Variants in ARK2C observed in about 807,000 individuals in gnomAD.
ARK2C encodes the protein E3 ubiquitin-protein ligase ARK2C.
chr18:46,385,277 G>C, the ARK2C span, among the ~76,000 whole-genome samples: 2 of 152,216 alleles, frequency 1.3e-5, no homozygotes, highest in Non-Finnish European at 2.9e-5. Flanking sequence ...ACAGAGATGA[G>C]AGCTCTCCTG....
At chr18:46,361,268 T>C in the ARK2C span, among the ~76,000 whole-genome samples, 5 of 152,212 alleles carry the variant, frequency 3.3e-5, no homozygotes, top group Non-Finnish European at 1.5e-5. Context: ...CTCTCAACCT[T>C]GCTCTCCAAA....
the ARK2C span, among the ~76,000 whole-genome samples, chr18:46,439,038 T>C: frequency 1.3e-5 from 2 of 152,202 alleles, no homozygotes; most frequent in African/African-American, 4.8e-5. Flanking sequence ...GTGGTGTGCA[T>C]GGAGTCTGTG....
the ARK2C span, among the ~76,000 whole-genome samples, chr18:46,440,169 G>C: frequency 1.3e-5 from 2 of 152,000 alleles, no homozygotes; most frequent in African/African-American, 4.8e-5. Context: ...TCGCTTCCCC[G>C]GTCCTGATAT....
the ARK2C span, among the ~76,000 whole-genome samples, chr18:46,338,384 A>G: frequency 6.6e-6 from 1 of 152,236 alleles, no homozygotes; most frequent in Non-Finnish European, 1.5e-5. Flanking sequence ...TACTGTAGGA[A>G]TAAGAGGGTC....
chr18:46,379,635 C>A, the ARK2C span, among the ~76,000 whole-genome samples: 4 of 152,234 alleles, frequency 2.6e-5, no homozygotes, highest in African/African-American at 4.8e-5. Flanking sequence ...ATTCTTCTCC[C>A]CACTCCCTGA....
chr18:46,391,730 C>A, the ARK2C span, among the ~76,000 whole-genome samples: 2 of 151,940 alleles, frequency 1.3e-5, no homozygotes, highest in South Asian at 2.1e-4. Context: ...TGTTCACTCA[C>A]CCTTCCCAAG....
chr18:46,412,782 C>T, the ARK2C span, among the ~76,000 whole-genome samples: 19 of 152,100 alleles, frequency 1.2e-4, no homozygotes, highest in Non-Finnish European at 1.8e-4. Flanking sequence ...TAACAGCCAA[C>T]GCGGAGTGAC....
At chr18:46,446,712 A>AG in the ARK2C span, among the ~76,000 whole-genome samples, 1 of 151,522 alleles carries the variant, frequency 6.6e-6, no homozygotes, top group South Asian at 2.1e-4. Context: ...AAAAAAAAAA[A>AG]GAAAGGTAAA....
At chr18:46,438,167 G>C in the ARK2C span, among the ~76,000 whole-genome samples, 1 of 152,238 alleles carries the variant, frequency 6.6e-6, no homozygotes, top group Non-Finnish European at 1.5e-5. Flanking sequence ...CACAGTTCTG[G>C]GTTAACCCTG....
the ARK2C span, among the ~76,000 whole-genome samples, chr18:46,444,095 T>TG: frequency 3.4e-3 from 516 of 152,266 alleles, 10 homozygotes; most frequent in Non-Finnish European, 4.9e-4. Context: ...TCTGGCTTGC[T>TG]TTGTTGTTGA....
At chr18:46,371,468 A>T in the ARK2C span, among the ~76,000 whole-genome samples, 7 of 152,328 alleles carry the variant, frequency 4.6e-5, no homozygotes, top group East Asian at 1.3e-3. Flanking sequence ...AGAGAGACTC[A>T]GTGAGATTCT....
At chr18:46,397,970 GT>G in the ARK2C span, among the ~76,000 whole-genome samples, 7 of 148,468 alleles carry the variant, frequency 4.7e-5, no homozygotes, top group African/African-American at 1.0e-4. Context: ...GGGTGTGTGT[GT>G]GTGGTCATGC....
At chr18:46,396,543 T>G in the ARK2C span, among the ~76,000 whole-genome samples, 1 of 152,196 alleles carries the variant, frequency 6.6e-6, no homozygotes, top group East Asian at 1.9e-4. Context: ...GCTTTTCAGA[T>G]AATAGTTGGT....
the ARK2C span, among the ~76,000 whole-genome samples, chr18:46,445,957 GT>G: frequency 4.7e-5 from 7 of 149,166 alleles, no homozygotes; most frequent in African/African-American, 9.9e-5. Flanking sequence ...TTTTCCTGTA[GT>G]TTCCCCTTAC....
the ARK2C span, among the ~76,000 whole-genome samples, chr18:46,416,573 A>G: frequency 6.6e-6 from 1 of 152,252 alleles, no homozygotes; most frequent in Non-Finnish European, 1.5e-5. Flanking sequence ...CTTTTTCTGT[A>G]TAACAATCAC....
chr18:46,387,332 T>A, the ARK2C span, among the ~76,000 whole-genome samples: 2 of 152,198 alleles, frequency 1.3e-5, no homozygotes, highest in Non-Finnish European at 2.9e-5. Context: ...CCATCCTCCA[T>A]GATTCCAGTG....
the ARK2C span, among the ~76,000 whole-genome samples, chr18:46,374,162 G>A: frequency 6.6e-6 from 1 of 152,236 alleles, no homozygotes; most frequent in East Asian, 1.9e-4. Context: ...CAGCTTGAAC[G>A]AGTCCGAGAA....
chr18:46,392,680 G>T, the ARK2C span, among the ~76,000 whole-genome samples: 2 of 152,202 alleles, frequency 1.3e-5, no homozygotes, highest in Non-Finnish European at 2.9e-5. Flanking sequence ...CGGGCTGAGG[G>T]TGACACGGTC....
the ARK2C span, among the ~76,000 whole-genome samples, chr18:46,352,585 TCCC>T: frequency 1.3e-5 from 2 of 152,128 alleles, no homozygotes; most frequent in East Asian, 3.9e-4. Context: ...TGCTCCACCC[TCCC>T]TAGGATATGG....
Sources: allele counts gnomAD v4.1 joint callset (sites outside exome capture counted in the v4.1 genomes callset), GRCh38; gene constraint gnomAD v4.1.1; transcripts MANE v1.5; gene names NCBI Gene and HGNC (gene_info 2026-07-23, HGNC 2026-07-21).